AGBL4: variants seen among roughly 807,000 people sequenced by gnomAD.
AGBL4 encodes the protein cytosolic carboxypeptidase 6.
Under a neutral mutation model 66.4 loss-of-function variants are expected in AGBL4, and 58 were observed. The ratio of observed to expected loss-of-function variants is 0.87; its 90% CI spans 0.71 to 1.09. The LOEUF is 1.09. Among genes scored for constraint, AGBL4 ranks in the 50% least tolerant of loss-of-function variants. AGBL4 has a pLI of 0.00. For missense variants in AGBL4, 579 were observed against 631.0 expected, an observed-to-expected ratio of 0.92 and a Z score of 0.88; for synonymous variants, 234 against 222.9, an observed-to-expected ratio of 1.05 and a Z score of -0.44.
At chr1:49,771,804 C>T (rs950613676) in intron 2 of AGBL4, among the ~76,000 whole-genome samples, 12 of 151,936 alleles carry the variant, frequency 7.9e-5, no homozygotes, top group African/African-American at 2.4e-4. Context: ...ATAAGTATGG[C>T]TACTCTTGCC....
At chr1:49,935,348 A>T (rs1653861016) in intron 1 of AGBL4, among the ~76,000 whole-genome samples, 2 of 152,236 alleles carry the variant, frequency 1.3e-5, no homozygotes, top group Admixed American at 6.5e-5. Flanking sequence ...AACTGGGTGG[A>T]GCCCACCACA....
intron 3 of AGBL4, among the ~76,000 whole-genome samples, chr1:49,427,773 G>A (rs755055884): frequency 1.1e-4 from 16 of 152,224 alleles, no homozygotes; most frequent in African/African-American, 1.2e-4. Flanking sequence ...ACCTGAGCAG[G>A]TTGCTGCTGC....
At position 49,824,607 on chromosome 1, in the gene AGBL4, C is replaced by G. The variant is rs542797023; in HGVS notation, c.157+26789G>C. ...GACCTTAGGGCTTCAGAGAAGGCTTCCTGGTTAGACAACTAAGTTATCTTG... is the reference window on the plus strand; with the variant it reads ...GACCTTAGGGCTTCAGAGAAGGCTTGCTGGTTAGACAACTAAGTTATCTTG... On this transcript the variant is annotated intron_variant, in intron 2 of 13. Coordinates refer to ENST00000371839, the MANE Select transcript of AGBL4 (RefSeq NM_032785.4). Among the ~76,000 whole-genome samples the G allele has an allele frequency of 2.0e-5, 3 of 152,290 alleles. 1 individual carries two copies. The highest frequency in any genetic ancestry group is 4.1e-4 in the South Asian group (2 of 4,826).
rs1404543552 is a variant in AGBL4, at chr1:49,448,520, T to C, written c.283-202656A>G. Among the ~76,000 whole-genome samples, 6 of 152,192 alleles carry C rather than the reference T, an allele frequency of 3.9e-5. No homozygotes were observed. In the East Asian group the frequency reaches 9.6e-4, roughly 24 times the overall value. On this transcript the variant is annotated intron_variant, in intron 3 of 13. Transcript: ENST00000371839. ...AACTTGACATCACTTTATTTATCACTGTGGCCAGGAGAAGTAGGGACCATA... is the reference window on the plus strand; with the variant it reads ...AACTTGACATCACTTTATTTATCACCGTGGCCAGGAGAAGTAGGGACCATA...
chr1:49,265,713 A>G (rs979696563), intron 3 of AGBL4, among the ~76,000 whole-genome samples: 4 of 152,170 alleles, frequency 2.6e-5, no homozygotes, highest in African/African-American at 9.7e-5. Flanking sequence ...CTACATATAT[A>G]TGTATATAAT....
chr1:49,855,196 T>A (rs1354806085), intron 1 of AGBL4, among the ~76,000 whole-genome samples: 1 of 151,956 alleles, frequency 6.6e-6, no homozygotes, highest in Non-Finnish European at 1.5e-5. Flanking sequence ...GATAAAGAGA[T>A]CAATTCAGTA....
intron 1 of AGBL4, among the ~76,000 whole-genome samples, chr1:49,857,604 A>C (rs1646466607): frequency 6.6e-6 from 1 of 152,236 alleles, no homozygotes; most frequent in East Asian, 1.9e-4. Context: ...TAACAAATGC[A>C]CAGAGAGAAC....
At chr1:48,884,542 T>C (rs1650115530) in intron 5 of AGBL4, among the ~76,000 whole-genome samples, 1 of 152,228 alleles carries the variant, frequency 6.6e-6, no homozygotes, top group Non-Finnish European at 1.5e-5. Context: ...AGCCAGCTCC[T>C]ATATGTGGGC....
intron 4 of AGBL4, among the ~76,000 whole-genome samples, chr1:49,207,093 T>C (rs1180559704): frequency 6.6e-6 from 1 of 152,130 alleles, no homozygotes; most frequent in African/African-American, 2.4e-5. Context: ...GTTATGTGAT[T>C]AGGGCAAATA....
chr1:48,600,920 G>A (rs1285154925), intron 9 of AGBL4, among the ~76,000 whole-genome samples: 1 of 152,192 alleles, frequency 6.6e-6, no homozygotes, highest in African/African-American at 2.4e-5. Context: ...GGAAGAGCCA[G>A]GTCTGGCCTG....
intron 3 of AGBL4, among the ~76,000 whole-genome samples, chr1:49,406,394 G>GTTT (rs1645198092): frequency 6.6e-6 from 1 of 152,148 alleles, no homozygotes; most frequent in South Asian, 2.1e-4. Context: ...ACCTACAAAT[G>GTTT]TGATATAAAA....
intron 3 of AGBL4, among the ~76,000 whole-genome samples, chr1:49,277,374 G>GT (rs1434947075): frequency 3.3e-5 from 5 of 152,032 alleles, no homozygotes; most frequent in African/African-American, 1.2e-4. Flanking sequence ...GGTTCATGGG[G>GT]TGTGACATGA....
intron 3 of AGBL4, among the ~76,000 whole-genome samples, chr1:49,444,625 A>G (rs1646111466): frequency 1.3e-5 from 2 of 151,566 alleles, no homozygotes; most frequent in East Asian, 1.9e-4. Flanking sequence ...GCATGTGTGG[A>G]GTATCTTTTT....
At chr1:49,807,997 C>T (rs1051310732) in intron 2 of AGBL4, among the ~76,000 whole-genome samples, 4 of 152,172 alleles carry the variant, frequency 2.6e-5, no homozygotes, top group African/African-American at 9.7e-5. Flanking sequence ...TTCCAACCTC[C>T]AGAACTGTGA....
intron 3 of AGBL4, among the ~76,000 whole-genome samples, chr1:49,631,069 G>A (rs1048076113): frequency 1.3e-5 from 2 of 152,104 alleles, no homozygotes; most frequent in Non-Finnish European, 2.9e-5. Context: ...TCTTACAAGA[G>A]ATGGGTGGAC....
At chr1:49,497,802 G>A (rs1325215988) in intron 3 of AGBL4, among the ~76,000 whole-genome samples, 4 of 152,038 alleles carry the variant, frequency 2.6e-5, no homozygotes, top group South Asian at 2.1e-4. Context: ...TTAAAATCAT[G>A]TAGTGTGATG....
At chr1:48,800,797 G>A (rs1437200387) in intron 6 of AGBL4, among the ~76,000 whole-genome samples, 1 of 152,164 alleles carries the variant, frequency 6.6e-6, no homozygotes, top group East Asian at 1.9e-4. Context: ...GCAGAAGGGG[G>A]ACGTAAGCTT....
At chr1:49,722,904 G>A (rs967324397) in intron 2 of AGBL4, among the ~76,000 whole-genome samples, 4 of 151,988 alleles carry the variant, frequency 2.6e-5, no homozygotes, top group Non-Finnish European at 5.9e-5. Context: ...GCCCAGAGAG[G>A]TACTGAAATG....
intron 1 of AGBL4, among the ~76,000 whole-genome samples, chr1:49,965,438 T>C (rs1182176256): frequency 6.6e-6 from 1 of 152,186 alleles, no homozygotes; most frequent in Non-Finnish European, 1.5e-5. Context: ...TCAGGCAAAC[T>C]GGCACTCAAT....
Sources: allele counts gnomAD v4.1 joint callset (sites outside exome capture counted in the v4.1 genomes callset), GRCh38; gene constraint gnomAD v4.1.1; transcripts MANE v1.5; gene names NCBI Gene and HGNC (gene_info 2026-07-23, HGNC 2026-07-21).